Variants in ACP7 observed in about 807,000 individuals in gnomAD.
The protein encoded by ACP7 is acid phosphatase 7, tartrate resistant (putative), also known as acid phosphatase type 7.
ACP7 carries 58 observed loss-of-function variants against 60.6 expected under a neutral mutation model. The ratio of observed to expected loss-of-function variants is 0.96; its 90% CI spans 0.77 to 1.19. The LOEUF (loss-of-function observed/expected upper bound fraction) is 1.19, where lower values mean the gene tolerates loss of function less well. Ranked by LOEUF, ACP7 falls within the 50% of genes most tolerant of loss-of-function variation. ACP7 has a pLI of 0.00. For synonymous variants in ACP7, 237 were observed against 232.6 expected, an observed-to-expected ratio of 1.02 and a Z score of -0.17; for missense variants, 574 against 596.2, an observed-to-expected ratio of 0.96 and a Z score of 0.39.
intron 11 of ACP7, among the ~76,000 whole-genome samples, chr19:39,106,112 C>T (rs571013071): frequency 6.6e-6 from 1 of 152,278 alleles, no homozygotes; most frequent in South Asian, 2.1e-4. Flanking sequence ...TGGTGATTTT[C>T]CTCACCCTGG....
Position 39,098,522 on chromosome 19 carries a change from C to T in ACP7, c.186C>T (p.Phe62=), listed in dbSNP as rs150213319. ...TWVPTRSEVQ[F]GLQPSGPLPL... is the part of the protein sequence containing the mutation. Reference sequence around the variant, plus strand: ...TCCCAACCCGCTCTGAAGTGCAATTCGGGTTGCAGCCGTCGGGGCCCCTGC... The same window carrying T: ...TCCCAACCCGCTCTGAAGTGCAATTTGGGTTGCAGCCGTCGGGGCCCCTGC... Residue 62 remains phenylalanine (F), a synonymous_variant, in exon 3 of 13, where the codon TTC becomes TTT. Coordinates refer to ENST00000331256, the MANE Select transcript of ACP7 (RefSeq NM_001004318.3). 3 of 1,610,490 alleles carry T rather than the reference C, an allele frequency of 1.9e-6. No individual in the cohort carries two copies. Among genetic ancestry groups the T allele is most frequent in the African/African-American group, 1.3e-5 (1 of 74,902 alleles).
At chr19:39,093,321 C>G (rs2073231831) in intron 2 of ACP7, among the ~76,000 whole-genome samples, 1 of 149,836 alleles carries the variant, frequency 6.7e-6, no homozygotes, top group South Asian at 2.1e-4. Flanking sequence ...GTGGCACAAT[C>G]TCAGCTCACT....
At chr19:39,102,101 C>T (rs548527346) in intron 11 of ACP7, among the ~76,000 whole-genome samples, 40 of 146,176 alleles carry the variant, frequency 2.7e-4, no homozygotes, top group Non-Finnish European at 4.9e-4. Flanking sequence ...GCCTGGGCAA[C>T]AAAATGAGAC....
At chr19:39,102,716 T>TAC (rs1355932236) in intron 11 of ACP7, among the ~76,000 whole-genome samples, 7 of 11,008 alleles carry the variant, frequency 6.4e-4, no homozygotes, top group African/African-American at 8.6e-4. Flanking sequence ...AATGAAGACT[T>TAC]TTCTTTCTTT....
chr19:39,108,078 T>C (rs1396333556), intron 12 of ACP7, among the ~76,000 whole-genome samples: 2 of 151,242 alleles, frequency 1.3e-5, no homozygotes, highest in African/African-American at 2.4e-5. Context: ...AAATGTGGAC[T>C]GTAGAACTAG....
At chr19:39,097,134 G>C (rs1475851283) in intron 2 of ACP7, among the ~76,000 whole-genome samples, 3 of 152,112 alleles carry the variant, frequency 2.0e-5, no homozygotes, top group Non-Finnish European at 2.9e-5. Flanking sequence ...GGTGGCAAGA[G>C]AAAATGAGAA....
intron 2 of ACP7, among the ~76,000 whole-genome samples, chr19:39,086,333 A>T (rs1454447215): frequency 6.6e-6 from 1 of 152,006 alleles, no homozygotes; most frequent in Non-Finnish European, 1.5e-5. Flanking sequence ...TCTTTAAAAA[A>T]AAAAATGTGG....
chr19:39,092,531 T>C (rs2073215146), intron 2 of ACP7, among the ~76,000 whole-genome samples: 1 of 152,146 alleles, frequency 6.6e-6, no homozygotes, highest in Non-Finnish European at 1.5e-5. Flanking sequence ...GTTATTATTC[T>C]TCCTCACCCC....
At chr19:39,109,467 G>C (rs1469251873) in intron 12 of ACP7, among the ~76,000 whole-genome samples, 3 of 152,038 alleles carry the variant, frequency 2.0e-5, no homozygotes, top group Non-Finnish European at 4.4e-5. Context: ...GCCTTTGGGA[G>C]GCTGAGGCAG....
At chr19:39,102,764 T>TC (rs1568482746) in intron 11 of ACP7, among the ~76,000 whole-genome samples, 1,779 of 81,480 alleles carry the variant, frequency 0.022, 12 homozygotes, top group Middle Eastern at 0.052. Flanking sequence ...TCTTTCTTTC[T>TC]TTCTCTCTCT....
At chr19:39,095,749 C>G (rs1396862778) in intron 2 of ACP7, among the ~76,000 whole-genome samples, 2 of 152,230 alleles carry the variant, frequency 1.3e-5, no homozygotes, top group African/African-American at 4.8e-5. Context: ...GAGCCCCACC[C>G]CTACTTCTGC....
rs901199834 is a variant in ACP7 at position 39,110,420 on chromosome 19, T to C, written c.*302T>C. 1.8e-5 allele frequency: 6 copies of C among 339,842 alleles called. No homozygotes were observed. The highest frequency in any genetic ancestry group is 3.3e-5 in the Non-Finnish European group (6 of 184,476). 21.1% of individuals were successfully genotyped at this position (339,842 alleles called of 1,614,324 possible). ...TGATCGGGCGAGGTGCCCACGGGGCTTCAGGAATGAAGAGGCTTAAGCTCT... is the reference window on the plus strand; with the variant it reads ...TGATCGGGCGAGGTGCCCACGGGGCCTCAGGAATGAAGAGGCTTAAGCTCT... On this transcript the variant is annotated 3_prime_UTR_variant, in exon 13 of 13. Transcript: ENST00000331256.
At chr19:39,102,159 A>ACAC (rs1183301469) in intron 11 of ACP7, among the ~76,000 whole-genome samples, 11 of 107,362 alleles carry the variant, frequency 1.0e-4, no homozygotes, top group African/African-American at 3.0e-4. Context: ...CACACACACA[A>ACAC]AAGATACTGG....
At chr19:39,084,885 C>T (rs1475156730) in intron 1 of ACP7, among the ~76,000 whole-genome samples, 1 of 152,080 alleles carries the variant, frequency 6.6e-6, no homozygotes, top group East Asian at 1.9e-4. Context: ...GGCTCCATCC[C>T]ATCCTAGCTG....
intron 3 of ACP7, 36 bp from the exon 4 acceptor site, chr19:39,098,924 C>A: frequency 6.2e-7 from 1 of 1,602,714 alleles, no homozygotes; most frequent in South Asian, 1.1e-5. Flanking sequence ...TCCCGGGGCG[C>A]CCCAGCTGAC....
intron 2 of ACP7, among the ~76,000 whole-genome samples, chr19:39,095,562 T>G (rs149846524): frequency 1.4e-3 from 213 of 152,306 alleles, no homozygotes; most frequent in African/African-American, 4.7e-3. Flanking sequence ...GGCATTGAGT[T>G]TCTGCAGCTT....
upstream of ACP7, chr19:39,083,790 C>T (rs527451273): frequency 3.6e-4 from 55 of 152,348 alleles, no homozygotes; most frequent in African/African-American, 1.3e-3. Context: ...CAAGGTCCAG[C>T]GAGGTTGAAT....
In ACP7 at chr19:39,101,040, C is replaced by T; in HGVS notation, c.899C>T (p.Thr300Ile). ...YCSNADLDDC[T>I]RHESKVRKGL... ...TCCAACGCAGATCTGGACGACTGCA[C>T]ACGACATGAAAGCAAGGTGAGGTCC... The change falls in exon 8 of 13, where the codon ACA becomes ATA. Residue 300 changes from threonine to isoleucine, a missense_variant. Transcript: ENST00000331256. The T allele has an allele frequency of 6.2e-7, 1 of 1,614,026 alleles. No individual in the cohort carries two copies. Among genetic ancestry groups the T allele is most frequent in the Non-Finnish European group, 8.5e-7 (1 of 1,180,032 alleles).
At chr19:39,102,769 C>CTT (rs1568482786) in intron 11 of ACP7, among the ~76,000 whole-genome samples, 23 of 19,198 alleles carry the variant, frequency 1.2e-3, no homozygotes, top group Admixed American at 5.5e-3. Context: ...CTTTCTTTCT[C>CTT]TCTCTCTCTC....
Sources: gnomAD v4.1 joint callset for allele counts (sites outside exome capture counted in the v4.1 genomes callset) on GRCh38, gnomAD v4.1.1 for gene constraint, MANE v1.5 for transcripts, NCBI Gene and HGNC (gene_info 2026-07-23, HGNC 2026-07-21) for gene names.